STON2: variants seen among roughly 807,000 people sequenced by gnomAD.
The protein encoded by STON2 is stonin 2.
Under a neutral mutation model 65.7 loss-of-function variants are expected in STON2, and 29 were observed. The observed-to-expected ratio is 0.44, with a 90% CI of 0.33 to 0.60. The LOEUF is 0.60. Among genes scored for constraint, STON2 ranks in the 20% least tolerant of loss-of-function variants. STON2 has a pLI of 0.03. For synonymous variants in STON2, 404 were observed against 414.2 expected (o/e 0.98, Z 0.30); for missense variants, 1,054 against 1,118.1 (o/e 0.94, Z 0.82).
chr14:81,261,993 C>G lies in STON2; in HGVS notation c.*6421G>C. 1 of 1,377,968 alleles carries G rather than the reference C, an allele frequency of 7.3e-7. No homozygotes were observed. Among genetic ancestry groups the G allele is most frequent in the Non-Finnish European group, 9.3e-7 (1 of 1,070,496 alleles). The allele number at this position is 1,377,968 out of a possible 1,614,324, so 85.4% of individuals were successfully genotyped here. Reference sequence around the variant, plus strand: ...AGATGTGAAAAGGAAAAAGATGGACCAGGTGATTTTTCCAATCTTCAAAAT... The same window carrying G: ...AGATGTGAAAAGGAAAAAGATGGACGAGGTGATTTTTCCAATCTTCAAAAT... On this transcript the variant is annotated 3_prime_UTR_variant, in exon 8 of 8. Transcript: ENST00000614646.
intron 4 of STON2, among the ~76,000 whole-genome samples, chr14:81,352,340 G>A (rs1898056003): frequency 6.6e-6 from 1 of 152,210 alleles, no homozygotes; most frequent in South Asian, 2.1e-4. Flanking sequence ...GGAAGGTACT[G>A]CTAATGTTAC....
intron 3 of STON2, among the ~76,000 whole-genome samples, chr14:81,384,964 C>T (rs530525069): frequency 6.6e-6 from 1 of 152,282 alleles, no homozygotes; most frequent in South Asian, 2.1e-4. Flanking sequence ...GCAGCTACTG[C>T]TCCCAGGACT....
At chr14:81,310,507 T>C (rs991640234) in intron 5 of STON2, among the ~76,000 whole-genome samples, 5 of 152,202 alleles carry the variant, frequency 3.3e-5, no homozygotes, top group African/African-American at 4.8e-5. Context: ...GCATTAGGAA[T>C]AGGCAGTAAG....
At chr14:81,329,325 G>A (rs548782073) in intron 4 of STON2, among the ~76,000 whole-genome samples, 585 of 152,148 alleles carry the variant, frequency 3.8e-3, no homozygotes, top group Non-Finnish European at 5.5e-3. Context: ...CGTGGTGGCA[G>A]GCGCCTGTAG....
At chr14:81,390,417 T>C (rs1408730039) in intron 3 of STON2, among the ~76,000 whole-genome samples, 2 of 152,104 alleles carry the variant, frequency 1.3e-5, no homozygotes, top group African/African-American at 4.8e-5. Context: ...AAATATCTGG[T>C]GACTCAATGA....
intron 4 of STON2, among the ~76,000 whole-genome samples, chr14:81,330,948 G>C (rs17111721): frequency 0.012 from 1,892 of 152,308 alleles, 36 homozygotes; most frequent in African/African-American, 0.043. Context: ...CTATGACTAA[G>C]AGCTGTGCTC....
rs1469695514 is a variant in STON2, at chr14:81,308,800, ATATATATATATATATATATATATATG to A, written c.742+15191_742+15216del. On this transcript the variant is annotated intron_variant, in intron 5 of 7. Transcript: ENST00000614646. ...TTTACCCATATATATATATATATAT[ATATATATATATATATATATATATATG>A]TGTGTGTGTGTATATATATATATAT... is the stretch of plus-strand genomic sequence containing the variant. 5.4e-3 allele frequency among the ~76,000 whole-genome samples: 106 copies of A among 19,656 alleles called. 5 individuals carry two copies. Among genetic ancestry groups the A allele is most frequent in the African/African-American group, 0.036 (95 of 2,642 alleles). The allele number at this position is 19,656 out of a possible 152,430, so 12.9% of individuals were successfully genotyped here.
chr14:81,357,361 C>T (rs1232801239), intron 4 of STON2, among the ~76,000 whole-genome samples: 1 of 152,210 alleles, frequency 6.6e-6, no homozygotes, highest in Non-Finnish European at 1.5e-5. Context: ...AATCATCTCA[C>T]ACCAATTAGA....
chr14:81,351,551 C>A (rs548229905), intron 4 of STON2, among the ~76,000 whole-genome samples: 1 of 152,198 alleles, frequency 6.6e-6, no homozygotes, highest in African/African-American at 2.4e-5. Flanking sequence ...GATCTTATAT[C>A]ATCAGTAGGA....
intron 4 of STON2, among the ~76,000 whole-genome samples, chr14:81,345,153 C>A (rs1458387145): frequency 2.0e-5 from 3 of 152,184 alleles, no homozygotes; most frequent in African/African-American, 7.2e-5. Context: ...AACTGGTTAT[C>A]TTGGGCAGGG....
intron 4 of STON2, among the ~76,000 whole-genome samples, chr14:81,325,612 T>G (rs956953816): frequency 2.6e-5 from 4 of 152,102 alleles, no homozygotes; most frequent in African/African-American, 7.3e-5. Flanking sequence ...AATGTTTATG[T>G]ATATAAAGCA....
intron 5 of STON2, among the ~76,000 whole-genome samples, chr14:81,307,855 A>T (rs1187341558): frequency 3.3e-5 from 5 of 152,208 alleles, no homozygotes; most frequent in Admixed American, 3.3e-4. Context: ...TGTGTTAATC[A>T]TTTTATGTTA....
chr14:81,366,210 G>A (rs1024253889), intron 4 of STON2, among the ~76,000 whole-genome samples: 1 of 151,702 alleles, frequency 6.6e-6, no homozygotes, highest in Non-Finnish European at 1.5e-5. Context: ...GAGAAAATGA[G>A]AATAAAGTGT....
intron 1 of STON2, among the ~76,000 whole-genome samples, chr14:81,427,775 T>C (rs1902054642): frequency 6.6e-6 from 1 of 151,830 alleles, no homozygotes; most frequent in African/African-American, 2.4e-5. Context: ...TACTGTGAAC[T>C]GACCGTGCAA....
chr14:81,377,179 T>C, intron 3 of STON2, among the ~76,000 whole-genome samples: 1 of 152,222 alleles, frequency 6.6e-6, no homozygotes, highest in East Asian at 1.9e-4. Context: ...CTCCATACTC[T>C]GTTCCTAACC....
intron 4 of STON2, among the ~76,000 whole-genome samples, chr14:81,331,505 G>T (rs372649771): frequency 3.3e-5 from 5 of 152,174 alleles, no homozygotes; most frequent in Non-Finnish European, 7.3e-5. Flanking sequence ...TACTGGGAGG[G>T]GGGGTACAGA....
chr14:81,345,850 A>G (rs1006457269), intron 4 of STON2, among the ~76,000 whole-genome samples: 12 of 152,194 alleles, frequency 7.9e-5, no homozygotes, highest in Non-Finnish European at 1.8e-4. Context: ...AAGACTCCAT[A>G]TAAGCCTGAG....
At chr14:81,328,648 C>T (rs187552434) in intron 4 of STON2, among the ~76,000 whole-genome samples, 179 of 152,202 alleles carry the variant, frequency 1.2e-3, no homozygotes, top group African/African-American at 3.7e-3. Flanking sequence ...TGAAATTGGA[C>T]CCCCAGTGTT....
At chr14:81,295,470 A>ACG (rs1566894378) in intron 5 of STON2, among the ~76,000 whole-genome samples, 6 of 152,242 alleles carry the variant, frequency 3.9e-5, no homozygotes, top group Admixed American at 6.5e-5. Flanking sequence ...TATCAGATGA[A>ACG]AGAGGTCATG....
Sources: allele counts gnomAD v4.1 joint callset (sites outside exome capture counted in the v4.1 genomes callset), GRCh38; gene constraint gnomAD v4.1.1; transcripts MANE v1.5; gene names NCBI Gene and HGNC (gene_info 2026-07-23, HGNC 2026-07-21).